Variants in ITGA9 observed in about 807,000 individuals in gnomAD.
The protein encoded by ITGA9 is integrin subunit alpha 9, also known as integrin alpha-9.
Under a neutral mutation model 127.8 loss-of-function variants are expected in ITGA9, and 56 were observed. The observed-to-expected ratio is 0.44, with a 90% CI of 0.35 to 0.55. The LOEUF (loss-of-function observed/expected upper bound fraction) is 0.55. Ranked by LOEUF, ITGA9 falls within the 20% of genes least tolerant of loss-of-function variation. The probability of loss-of-function intolerance (pLI) is 0.00; values close to 1 mark genes in which losing one functional copy is unlikely to be tolerated. For missense variants in ITGA9, 1,196 were observed against 1,347.1 expected, an observed-to-expected ratio of 0.89 and a Z score of 1.76; for synonymous variants, 508 against 514.5, an observed-to-expected ratio of 0.99 and a Z score of 0.17.
At chr3:37,586,782 G>A (rs1452015254) in intron 15 of ITGA9, among the ~76,000 whole-genome samples, 1 of 152,222 alleles carries the variant, frequency 6.6e-6, no homozygotes, top group Admixed American at 6.5e-5. Flanking sequence ...GAGGCTCACT[G>A]AGGAAATGTC....
chr3:37,722,896 G>T (rs535534232), intron 18 of ITGA9, among the ~76,000 whole-genome samples: 1 of 152,330 alleles, frequency 6.6e-6, no homozygotes, highest in African/African-American at 2.4e-5. Flanking sequence ...CTGCCAGGCT[G>T]CTTTTCAAAG....
At chr3:37,473,237 G>A (rs1161601140) in intron 2 of ITGA9, 117 bp from the exon 3 acceptor site, 2 of 675,018 alleles carry the variant, frequency 3.0e-6, no homozygotes, top group African/African-American at 3.6e-5. Flanking sequence ...TGATGGAGTT[G>A]ATTTACATTT....
chr3:37,581,501 G>A (rs1040058001), intron 15 of ITGA9, among the ~76,000 whole-genome samples: 1 of 152,224 alleles, frequency 6.6e-6, no homozygotes, highest in East Asian at 1.9e-4. Flanking sequence ...GAGAGAATGC[G>A]TGTTCTTAGG....
At chr3:37,599,669 C>A (rs7375012) in intron 15 of ITGA9, among the ~76,000 whole-genome samples, 107,618 of 152,070 alleles carry the variant, frequency 0.71, 38,398 homozygotes, top group East Asian at 0.8. Context: ...CTTTGGAGTC[C>A]CATGGGGCTC....
At chr3:37,738,214 G>A (rs1000922598) in intron 20 of ITGA9, among the ~76,000 whole-genome samples, 1 of 152,236 alleles carries the variant, frequency 6.6e-6, no homozygotes, top group Non-Finnish European at 1.5e-5. Flanking sequence ...CCTATGCAAA[G>A]CATAGATAGG....
intron 15 of ITGA9, among the ~76,000 whole-genome samples, chr3:37,592,893 C>G (rs1699834293): frequency 1.3e-5 from 2 of 152,118 alleles, no homozygotes; most frequent in Non-Finnish European, 2.9e-5. Flanking sequence ...AACTTGAGTC[C>G]CTTCTGCCAA....
intron 10 of ITGA9, 36 bp from the exon 11 acceptor site, chr3:37,519,224 T>C (rs1227244841): frequency 2.7e-6 from 4 of 1,508,508 alleles, no homozygotes; most frequent in Non-Finnish European, 3.7e-6. Context: ...ATTATTAATG[T>C]GGCTTTTTAA....
intron 13 of ITGA9, among the ~76,000 whole-genome samples, chr3:37,526,290 G>A (rs1699092190): frequency 6.6e-6 from 1 of 152,032 alleles, no homozygotes; most frequent in Non-Finnish European, 1.5e-5. Flanking sequence ...TAACATCCTG[G>A]GAGCTTCTAG....
chr3:37,652,772 C>T (rs927762744), intron 16 of ITGA9, among the ~76,000 whole-genome samples: 1 of 152,230 alleles, frequency 6.6e-6, no homozygotes, highest in Non-Finnish European at 1.5e-5. Flanking sequence ...AGGCTCTTCT[C>T]TCCAAATTCC....
At chr3:37,781,862 A>G (rs1696979220) in intron 25 of ITGA9, among the ~76,000 whole-genome samples, 1 of 152,186 alleles carries the variant, frequency 6.6e-6, no homozygotes, top group African/African-American at 2.4e-5. Context: ...TCCATTTTCA[A>G]TCTGTAGCCG....
At chr3:37,572,231 T>G (rs1168889456) in intron 15 of ITGA9, among the ~76,000 whole-genome samples, 1 of 152,180 alleles carries the variant, frequency 6.6e-6, no homozygotes, top group Non-Finnish European at 1.5e-5. Context: ...GTCTTTTCTG[T>G]CTTTCCCTTT....
chr3:37,605,101 T>C (rs1434708449), intron 15 of ITGA9, among the ~76,000 whole-genome samples: 3 of 152,092 alleles, frequency 2.0e-5, no homozygotes, highest in African/African-American at 7.2e-5. Flanking sequence ...GGTGACATGT[T>C]TGAGAAGGGG....
intron 26 of ITGA9, 117 bp downstream of exon 26, chr3:37,785,195 G>T: frequency 1.3e-6 from 1 of 788,282 alleles, no homozygotes. Context: ...TGTTGGGTTT[G>T]TGGCAGACCC....
intron 6 of ITGA9, among the ~76,000 whole-genome samples, chr3:37,504,984 C>T (rs1440088443): frequency 2.6e-5 from 4 of 152,162 alleles, no homozygotes; most frequent in East Asian, 1.9e-4. Context: ...AAGCAGGAGA[C>T]GTTGAGGCTA....
At chr3:37,515,268 TAGTG>T (rs1237890680) in intron 9 of ITGA9, among the ~76,000 whole-genome samples, 1 of 152,196 alleles carries the variant, frequency 6.6e-6, no homozygotes, top group Non-Finnish European at 1.5e-5. Context: ...TTTATCCAAA[TAGTG>T]AGAATATAAT....
At chr3:37,596,051 C>G (rs187301918) in intron 15 of ITGA9, among the ~76,000 whole-genome samples, 1 of 152,208 alleles carries the variant, frequency 6.6e-6, no homozygotes, top group Non-Finnish European at 1.5e-5. Flanking sequence ...CAGACATAGA[C>G]CTTACCCTTC....
In ITGA9 at chr3:37,799,685, AAAC is replaced by A. The variant is rs1356453613; in HGVS notation, c.2890-4134_2890-4132del. On this transcript the variant is annotated intron_variant, in intron 26 of 27. Transcript: ENST00000264741. The surrounding 1 kb of genome is among the most constrained non-coding windows in gnomAD (Gnocchi z 4.0). ...ACATGATGAGACCTGTGCCTTAGAAAAACAACTCTATCAGCAAGGAGGCCTTTC... is the reference window on the plus strand; with the variant it reads ...ACATGATGAGACCTGTGCCTTAGAAAAACTCTATCAGCAAGGAGGCCTTTC... Among the ~76,000 whole-genome samples the A allele has an allele frequency of 1.3e-5, 2 of 152,198 alleles. No homozygotes were observed. Among genetic ancestry groups the A allele is most frequent in the African/African-American group, 2.4e-5 (1 of 41,444 alleles).
chr3:37,615,154 C>T (rs1263077492), intron 15 of ITGA9, among the ~76,000 whole-genome samples: 1 of 152,094 alleles, frequency 6.6e-6, no homozygotes, highest in Non-Finnish European at 1.5e-5. Context: ...ATACCTAATC[C>T]ATTGAGAGTT....
At position 37,597,408 on chromosome 3, in the gene ITGA9, G is replaced by A. The variant is rs1334654739; in HGVS notation, c.1690-31779G>A. Among the ~76,000 whole-genome samples, 2 of 152,036 alleles carry A rather than the reference G, an allele frequency of 1.3e-5. No individual in the cohort carries two copies. The highest frequency in any genetic ancestry group is 2.9e-5 in the Non-Finnish European group (2 of 68,008). ...ACAGATATGAAACGATAAATGTGGA[G>A]GCAGGGAGACCAGGTAAGAAGTCTG... On this transcript the variant is annotated intron_variant, in intron 15 of 27. Transcript: ENST00000264741. This position sits in a 1 kb window ranked among gnomAD's most constrained non-coding sequence, Gnocchi z 4.6.
Sources: gnomAD v4.1 joint callset for allele counts (sites outside exome capture counted in the v4.1 genomes callset) on GRCh38, gnomAD v4.1.1 for gene constraint, Gnocchi (gnomAD v3.1) non-coding constraint, MANE v1.5 for transcripts, NCBI Gene and HGNC (gene_info 2026-07-23, HGNC 2026-07-21) for gene names.